AK9: variants seen among roughly 807,000 people sequenced by gnomAD.
AK9 encodes adenylate kinase domain containing 1.
AK9 carries 191 observed loss-of-function variants against 239.6 expected under a neutral mutation model. The ratio of observed to expected loss-of-function variants is 0.80; its 90% confidence interval spans 0.71 to 0.90. The LOEUF is 0.90. Ranked by LOEUF, AK9 falls within the 40% of genes least tolerant of loss-of-function variation. The probability of loss-of-function intolerance (pLI) is 0.00; values close to 1 mark genes in which losing one functional copy is unlikely to be tolerated. For missense variants in AK9, 1,995 were observed against 2,214.7 expected, an observed-to-expected ratio of 0.90 and a Z score of 1.99; for synonymous variants, 689 against 721.0, an observed-to-expected ratio of 0.96 and a Z score of 0.71.
intron 29 of AK9, among the ~76,000 whole-genome samples, chr6:109,517,648 T>TA (rs1431262626): frequency 1.3e-5 from 2 of 152,240 alleles, no homozygotes; most frequent in African/African-American, 4.8e-5. Context: ...CCTATTATTA[T>TA]GCTCTTATAG....
rs57475668 is a variant in AK9, at chr6:109,636,750, T to TCACA, written c.934-3431_934-3428dup. Among the ~76,000 whole-genome samples, 1,252 of 135,524 alleles carry TCACA rather than the reference T, an allele frequency of 9.2e-3. 17 individuals are homozygous for TCACA. The highest frequency in any genetic ancestry group is 0.019 in the East Asian group (85 of 4,380). The allele number at this position is 135,524 out of a possible 152,430, so 88.9% of individuals were successfully genotyped here. On this transcript the variant is annotated intron_variant, in intron 10 of 40. Coordinates refer to ENST00000424296, the MANE Select transcript of AK9 (RefSeq NM_001145128.3). ...CTCTTTAAGGTTGAATAATATTCCA[T>TCACA]CACACACACACACACACACACACAC... is the stretch of plus-strand genomic sequence containing the variant.
intron 17 of AK9, among the ~76,000 whole-genome samples, chr6:109,592,442 A>ATTTC (rs1790382773): frequency 9.6e-6 from 1 of 103,690 alleles, no homozygotes. Context: ...GTCTAATGGG[A>ATTTC]TTTCTTTTTT....
intron 1 of AK9, among the ~76,000 whole-genome samples, chr6:109,681,370 G>A (rs374365221): frequency 6.6e-6 from 1 of 152,174 alleles, no homozygotes; most frequent in South Asian, 2.1e-4. Context: ...CAGTGGTAAA[G>A]GGATCAATGC....
intron 33 of AK9, 39 bp downstream of exon 33, chr6:109,509,140 T>G (rs1270504508): frequency 2.6e-6 from 4 of 1,521,382 alleles, no homozygotes; most frequent in Non-Finnish European, 3.5e-6. Context: ...TTGAAAGATT[T>G]AACTCCCTCT....
intron 8 of AK9, among the ~76,000 whole-genome samples, chr6:109,648,106 T>G (rs1434251882): frequency 2.0e-5 from 3 of 151,646 alleles, no homozygotes; most frequent in South Asian, 2.1e-4. Flanking sequence ...AGAGGGAAAT[T>G]TATAGCACTA....
intron 6 of AK9, among the ~76,000 whole-genome samples, chr6:109,659,756 C>T (rs941738053): frequency 6.6e-6 from 1 of 152,024 alleles, no homozygotes; most frequent in Non-Finnish European, 1.5e-5. Context: ...CTATGATTAG[C>T]TTGAAAAGTT....
At chr6:109,634,488 A>G (rs1296478084) in intron 10 of AK9, among the ~76,000 whole-genome samples, 4 of 152,156 alleles carry the variant, frequency 2.6e-5, no homozygotes, top group Admixed American at 2.0e-4. Flanking sequence ...GCTCCCCCCA[A>G]CCCTCAGATG....
At chr6:109,538,569 T>C (rs566781093) in intron 27 of AK9, among the ~76,000 whole-genome samples, 30 of 152,052 alleles carry the variant, frequency 2.0e-4, no homozygotes, top group Non-Finnish European at 2.8e-4. Context: ...AATTTGCCAG[T>C]CTGTGTCTTT....
chr6:109,526,060 C>T lies in AK9; in HGVS notation c.3633+2951G>A, dbSNP rs115164313. Among the ~76,000 whole-genome samples the T allele has an allele frequency of 2.8e-3, 424 of 152,248 alleles. 1 individual carries two copies. Among genetic ancestry groups the T allele is most frequent in the African/African-American group, 9.7e-3 (405 of 41,552 alleles). ...AACAGAAAACCAACTACTGCATGTT[C>T]TCATAAGTGGGAGCTAAACTTTGAG... On this transcript the variant is annotated intron_variant, in intron 29 of 40. Coordinates refer to ENST00000424296, the MANE Select transcript of AK9 (RefSeq NM_001145128.3).
chr6:109,673,039 C>T (rs1295265643), intron 3 of AK9, among the ~76,000 whole-genome samples: 1 of 152,124 alleles, frequency 6.6e-6, no homozygotes, highest in South Asian at 2.1e-4. Context: ...ATGTATCATT[C>T]CTTGATAGAG....
chr6:109,633,049 C>T lies in AK9; in HGVS notation c.1128G>A (p.Leu376=), dbSNP rs1406957. 0.64 allele frequency: 993,564 copies of T among 1,560,698 alleles called. 322,560 individuals carry two copies. Among genetic ancestry groups the T allele is most frequent in the East Asian group, 0.85 (37,081 of 43,760 alleles). The change falls in exon 12 of 41, where the codon TTG becomes TTA. Residue 376 remains leucine (L), a synonymous_variant. Coordinates refer to ENST00000424296, the MANE Select transcript of AK9 (RefSeq NM_001145128.3). ...LSSEEALKPF[L]LNPRPYLLPP... ...GAAGCAGATAGGGACGTGGGTTCAA[C>T]AAAAATGGTTTTAATGCTTCTTCTG...
chr6:109,590,388 G>A (rs749132624), intron 17 of AK9, among the ~76,000 whole-genome samples: 12 of 152,008 alleles, frequency 7.9e-5, no homozygotes, highest in African/African-American at 9.7e-5. Context: ...GTGATCTTTC[G>A]TATTTCTGTT....
chr6:109,661,464 C>T (rs1003603850), intron 6 of AK9, among the ~76,000 whole-genome samples: 26 of 152,200 alleles, frequency 1.7e-4, no homozygotes, highest in African/African-American at 6.0e-4. Context: ...CTGGCCTGCA[C>T]AACTGTGTGC....
chr6:109,626,386 T>C (rs753834939), intron 12 of AK9, among the ~76,000 whole-genome samples: 3 of 152,204 alleles, frequency 2.0e-5, no homozygotes, highest in African/African-American at 7.2e-5. Flanking sequence ...TCATTACATG[T>C]TGGACATTGT....
chr6:109,503,628 A>C (rs763626150), intron 35 of AK9, among the ~76,000 whole-genome samples: 2 of 152,216 alleles, frequency 1.3e-5, no homozygotes, highest in Non-Finnish European at 2.9e-5. Context: ...CGGACGCTGA[A>C]GCAGAAGAGA....
At chr6:109,672,834 C>T (rs1447997536) in intron 3 of AK9, among the ~76,000 whole-genome samples, 1 of 152,180 alleles carries the variant, frequency 6.6e-6, no homozygotes, top group African/African-American at 2.4e-5. Context: ...ATTTCTAAAT[C>T]ATTTAGTTAC....
At chr6:109,575,425 A>T (rs542283282) in intron 20 of AK9, among the ~76,000 whole-genome samples, 1 of 152,166 alleles carries the variant, frequency 6.6e-6, no homozygotes, top group South Asian at 2.1e-4. Flanking sequence ...TTTCCCTGAT[A>T]ATTAGTGATG....
chr6:109,541,908 G>C, intron 27 of AK9, 139 bp downstream of exon 27: 1 of 721,660 alleles, frequency 1.4e-6, no homozygotes, highest in Non-Finnish European at 2.1e-6. Flanking sequence ...TTTTTAATGT[G>C]TATCTCAAGT....
chr6:109,513,426 C>T (rs1778951772), intron 32 of AK9, among the ~76,000 whole-genome samples: 1 of 152,138 alleles, frequency 6.6e-6, no homozygotes, highest in Admixed American at 6.5e-5. Context: ...AAAATACAGG[C>T]ATTATCTCTT....
Sources: gnomAD v4.1 joint callset for allele counts (sites outside exome capture counted in the v4.1 genomes callset) on GRCh38, gnomAD v4.1.1 for gene constraint, MANE v1.5 for transcripts, NCBI Gene and HGNC (gene_info 2026-07-23, HGNC 2026-07-21) for gene names.